KIRREL3: variants seen among roughly 807,000 people sequenced by gnomAD.
KIRREL3 encodes kin of IRRE-like protein 3.
KIRREL3 carries 36 observed loss-of-function variants against 89.7 expected under a neutral mutation model. The observed-to-expected ratio is 0.40, with a 90% CI of 0.31 to 0.53. The LOEUF (loss-of-function observed/expected upper bound fraction) is 0.53. Among genes scored for constraint, KIRREL3 ranks in the 20% least tolerant of loss-of-function variants. The probability of loss-of-function intolerance (pLI) is 0.49; values close to 1 mark genes in which losing one functional copy is unlikely to be tolerated. For synonymous variants in KIRREL3, 445 were observed against 441.4 expected, an observed-to-expected ratio of 1.01 and a Z score of -0.10; for missense variants, 864 against 1,056.6, an observed-to-expected ratio of 0.82 and a Z score of 2.53.
At chr11:126,975,142 G>A (rs144163666) in intron 1 of KIRREL3, among the ~76,000 whole-genome samples, 47 of 152,202 alleles carry the variant, frequency 3.1e-4, no homozygotes, top group African/African-American at 1.0e-3. Context: ...TAAGACCACC[G>A]TCATATATGC....
chr11:126,830,381 G>A lies in KIRREL3; in HGVS notation c.55+170074C>T, dbSNP rs1943565091. On this transcript the variant is annotated intron_variant, in intron 1 of 16. Coordinates refer to ENST00000525144, the MANE Select transcript of KIRREL3 (RefSeq NM_032531.4). The surrounding 1 kb of genome is among the most constrained non-coding windows in gnomAD (Gnocchi z 4.9). ...CATTACCAAGTGGCGCCCACAGAATGGAACACAAAGGCAACTTGGAAATTT... is the reference window on the plus strand; with the variant it reads ...CATTACCAAGTGGCGCCCACAGAATAGAACACAAAGGCAACTTGGAAATTT... 1.3e-5 allele frequency among the ~76,000 whole-genome samples: 2 copies of A among 152,126 alleles called. No homozygotes were observed. Among genetic ancestry groups the A allele is most frequent in the South Asian group, 4.1e-4 (2 of 4,820 alleles).
In KIRREL3 at chr11:126,872,702, CT is replaced by C. The variant is rs530221507; in HGVS notation, c.55+127752del. Among the ~76,000 whole-genome samples the C allele has an allele frequency of 2.6e-5, 4 of 152,218 alleles. No homozygotes were observed. Among genetic ancestry groups the C allele is most frequent in the Admixed American group, 6.5e-5 (1 of 15,290 alleles). On this transcript the variant is annotated intron_variant, in intron 1 of 16. Coordinates refer to ENST00000525144, the MANE Select transcript of KIRREL3 (RefSeq NM_032531.4). The surrounding 1 kb of genome is among the most constrained non-coding windows in gnomAD (Gnocchi z 4.2). ...CACCCCATCCTGGGCTTGTTTTCAT[CT>C]TTGTCAGTGTGGGTACTTTCCTGCT...
chr11:126,878,884 T>C (rs1416106963), intron 1 of KIRREL3, among the ~76,000 whole-genome samples: 2 of 152,116 alleles, frequency 1.3e-5, no homozygotes, highest in African/African-American at 2.4e-5. Context: ...CACACTTCTA[T>C]TTTCGTCCTC....
At chr11:126,602,269 T>C (rs1394559038) in intron 1 of KIRREL3, among the ~76,000 whole-genome samples, 1 of 152,042 alleles carries the variant, frequency 6.6e-6, no homozygotes, top group Non-Finnish European at 1.5e-5. Flanking sequence ...CCCTGGGGGC[T>C]TTTTGGGTCT....
At position 126,744,950 on chromosome 11, in the gene KIRREL3, C is replaced by T. The variant is rs1211051859; in HGVS notation, c.56-182038G>A. ...GGAAAGAAGTTGACTCACTTTCAGA[C>T]ACATTAGGTTGGAGGTGATGCGAAC... On this transcript the variant is annotated intron_variant, in intron 1 of 16. Coordinates refer to ENST00000525144, the MANE Select transcript of KIRREL3 (RefSeq NM_032531.4). This position sits in a 1 kb window ranked among gnomAD's most constrained non-coding sequence, Gnocchi z 4.7. 1.3e-5 allele frequency among the ~76,000 whole-genome samples: 2 copies of T among 151,680 alleles called. No individual in the cohort carries two copies. Among genetic ancestry groups the T allele is most frequent in the Admixed American group, 1.3e-4 (2 of 15,246 alleles).
At chr11:126,461,618 C>T (rs112206157) in intron 6 of KIRREL3, among the ~76,000 whole-genome samples, 3 of 152,290 alleles carry the variant, frequency 2.0e-5, no homozygotes, top group African/African-American at 7.2e-5. Flanking sequence ...GTATCTTGAG[C>T]CTACCTGAGG....
rs1341139129 is a variant in KIRREL3 at position 126,423,403 on chromosome 11, G to A, written c.*1177C>T. The stretch of plus-strand genomic sequence containing the variant: ...TATTGTCTAGGAAGATTGAATCAAA[G>A]GAGGGCAGAGAACCTTGGGTTCCCA... On this transcript the variant is annotated 3_prime_UTR_variant, in exon 17 of 17. Transcript: ENST00000525144. The A allele has an allele frequency of 6.6e-6, 1 of 152,188 alleles. No individual in the cohort carries two copies. The highest frequency in any genetic ancestry group is 1.5e-5 in the Non-Finnish European group (1 of 68,044). The allele number at this position is 152,188 out of a possible 1,614,324, so 9.4% of individuals were successfully genotyped here. A position where few individuals can be genotyped will look rare whatever the true frequency, so the allele number is the denominator to read the frequency against.
chr11:126,442,344 AC>A lies in KIRREL3; in HGVS notation c.1253-1796del, dbSNP rs1463868991. 2.7e-3 allele frequency among the ~76,000 whole-genome samples: 386 copies of A among 142,162 alleles called. 1 individual carries two copies. Among genetic ancestry groups the A allele is most frequent in the African/African-American group, 9.6e-3 (360 of 37,588 alleles). The allele number at this position is 142,162 out of a possible 152,430, so 93.3% of individuals were successfully genotyped here. On this transcript the variant is annotated intron_variant, in intron 10 of 16. Coordinates refer to ENST00000525144, the MANE Select transcript of KIRREL3 (RefSeq NM_032531.4). ...CACACACACACACACACACACACACACACACACACAAAACCTTTTCCTTGTG... is the reference window on the plus strand; with the variant it reads ...CACACACACACACACACACACACACAACACACACAAAACCTTTTCCTTGTG...
rs531539948 is a variant in KIRREL3 at position 126,505,571 on chromosome 11, C to T, written c.433+15744G>A. ...GGGCAACAAGAGTGTAACTCCATCT[C>T]TTTAAAAAAAAATGAGTTTAGCAAG... On this transcript the variant is annotated intron_variant, in intron 4 of 16. Transcript: ENST00000525144. 2.4e-3 allele frequency among the ~76,000 whole-genome samples: 305 copies of T among 127,716 alleles called. 2 individuals are homozygous for T. The highest frequency in any genetic ancestry group is 4.0e-3 in the Non-Finnish European group (242 of 61,244). 83.8% of individuals were successfully genotyped at this position (127,716 alleles called of 152,430 possible).
Position 126,426,585 on chromosome 11 carries a change from T to A in KIRREL3, c.1807-861A>T, listed in dbSNP as rs558803959. On this transcript the variant is annotated intron_variant, in intron 15 of 16. Transcript: ENST00000525144. The stretch of plus-strand genomic sequence containing the variant: ...ATTAACAAAATTATTAGACATAAGA[T>A]GAAAAAGCATACTCCACACACAGTG... Among the ~76,000 whole-genome samples the A allele has an allele frequency of 3.3e-5, 5 of 152,292 alleles. No individual in the cohort carries two copies. The East Asian group carries it at 9.7e-4, about 29-fold the overall frequency.
rs922927998 is a variant in KIRREL3, at chr11:126,496,192, A to C, written c.434-22726T>G. On this transcript the variant is annotated intron_variant, in intron 4 of 16. Coordinates refer to ENST00000525144, the MANE Select transcript of KIRREL3 (RefSeq NM_032531.4). The surrounding 1 kb of genome is among the most constrained non-coding windows in gnomAD (Gnocchi z 4.9). Reference sequence around the variant, plus strand: ...GTGATTTGTTATGCAGAAATTGACAACCAGACAGATTTTGCAGAACTAGCC... The same window carrying C: ...GTGATTTGTTATGCAGAAATTGACACCCAGACAGATTTTGCAGAACTAGCC... 6.6e-6 allele frequency among the ~76,000 whole-genome samples: 1 copy of C among 152,188 alleles called. No individual in the cohort carries two copies. The highest frequency in any genetic ancestry group is 1.5e-5 in the Non-Finnish European group (1 of 68,036).
chr11:126,914,763 C>G (rs558188686), intron 1 of KIRREL3, among the ~76,000 whole-genome samples: 71 of 152,344 alleles, frequency 4.7e-4, no homozygotes, highest in African/African-American at 1.7e-3. Context: ...TATCACTTTA[C>G]AATTAATTAT....
chr11:126,994,155 T>C lies in KIRREL3; in HGVS notation c.55+6300A>G, dbSNP rs1950114382. 6.6e-6 allele frequency among the ~76,000 whole-genome samples: 1 copy of C among 152,126 alleles called. No individual in the cohort carries two copies. Among genetic ancestry groups the C allele is most frequent in the South Asian group, 2.1e-4 (1 of 4,826 alleles). ...GCTCCCATTTGAGAAAAGTGGCTGA[T>C]TCTGGAGATATCACACTGATTTAAC... On this transcript the variant is annotated intron_variant, in intron 1 of 16. Transcript: ENST00000525144. The surrounding 1 kb of genome is among the most constrained non-coding windows in gnomAD (Gnocchi z 5.2).
At chr11:126,665,838 AC>A (rs1158385817) in intron 1 of KIRREL3, among the ~76,000 whole-genome samples, 1 of 152,208 alleles carries the variant, frequency 6.6e-6, no homozygotes, top group Non-Finnish European at 1.5e-5. Context: ...TAGCTGTGTG[AC>A]CTCAGGAAGG....
At position 126,739,181 on chromosome 11, in the gene KIRREL3, G is replaced by A. The variant is rs538656715; in HGVS notation, c.56-176269C>T. Reference sequence around the variant, plus strand: ...AAAGCCAAACCCTTCCACCCGTTCCGTGCTATTGTTGGAGATGTGAATTCC... The same window carrying A: ...AAAGCCAAACCCTTCCACCCGTTCCATGCTATTGTTGGAGATGTGAATTCC... On this transcript the variant is annotated intron_variant, in intron 1 of 16. Coordinates refer to ENST00000525144, the MANE Select transcript of KIRREL3 (RefSeq NM_032531.4). The surrounding 1 kb of genome is among the most constrained non-coding windows in gnomAD (Gnocchi z 5.5). 1.3e-5 allele frequency among the ~76,000 whole-genome samples: 2 copies of A among 152,300 alleles called. No homozygotes were observed. The highest frequency in any genetic ancestry group is 4.8e-5 in the African/African-American group (2 of 41,552).
rs1950076655 is a variant in KIRREL3 at position 126,773,354 on chromosome 11, A to G, written c.56-210442T>C. The stretch of plus-strand genomic sequence containing the variant: ...AACAAAAGGCTGGCCTCACCCGAGC[A>G]AGAAGGAACTCTCCAGCAGACGACC... On this transcript the variant is annotated intron_variant, in intron 1 of 16. Coordinates refer to ENST00000525144, the MANE Select transcript of KIRREL3 (RefSeq NM_032531.4). This position sits in a 1 kb window ranked among gnomAD's most constrained non-coding sequence, Gnocchi z 4.2. Among the ~76,000 whole-genome samples the G allele has an allele frequency of 6.6e-6, 1 of 152,184 alleles. No homozygotes were observed. The highest frequency in any genetic ancestry group is 2.4e-5 in the African/African-American group (1 of 41,444).
chr11:126,979,677 G>T (rs111485509), intron 1 of KIRREL3, among the ~76,000 whole-genome samples: 1 of 152,142 alleles, frequency 6.6e-6, no homozygotes, highest in Non-Finnish European at 1.5e-5. Flanking sequence ...CAGTTTCCTC[G>T]TCAGCAAAAT....
chr11:126,728,726 T>C (rs2099856413), intron 1 of KIRREL3, among the ~76,000 whole-genome samples: 1 of 152,092 alleles, frequency 6.6e-6, no homozygotes, highest in Admixed American at 6.5e-5. Flanking sequence ...CTGTTAAGCT[T>C]TAAGCGGGAG....
intron 11 of KIRREL3, among the ~76,000 whole-genome samples, chr11:126,437,706 A>C (rs1215526260): frequency 6.6e-6 from 1 of 151,964 alleles, no homozygotes; most frequent in African/African-American, 2.4e-5. Context: ...ACACACAGCC[A>C]CTCCCCGAAA....
Sources: allele counts gnomAD v4.1 joint callset (sites outside exome capture counted in the v4.1 genomes callset), GRCh38; gene constraint gnomAD v4.1.1; non-coding constraint Gnocchi (gnomAD v3.1); transcripts MANE v1.5; gene names NCBI Gene and HGNC (gene_info 2026-07-23, HGNC 2026-07-21).